Variants in SUCLG2 observed in about 807,000 individuals in gnomAD.
SUCLG2 encodes the protein succinate--CoA ligase [GDP-forming] subunit beta, mitochondrial.
A neutral mutation model predicts 47.9 loss-of-function variants in SUCLG2; 42 were observed. The observed-to-expected ratio is 0.88, with a 90% CI of 0.69 to 1.14. The LOEUF (loss-of-function observed/expected upper bound fraction) is 1.14. Ranked by LOEUF, SUCLG2 falls within the 50% of genes most tolerant of loss-of-function variation. SUCLG2 has a pLI of 0.00. For missense variants in SUCLG2, 571 were observed against 525.9 expected (o/e 1.09, Z -0.84); for synonymous variants, 195 against 197.3 (o/e 0.99, Z 0.10).
intron 2 of SUCLG2, among the ~76,000 whole-genome samples, chr3:67,559,144 T>C (rs1296165395): frequency 6.6e-6 from 1 of 152,196 alleles, no homozygotes; most frequent in East Asian, 1.9e-4. Flanking sequence ...TTTTATTTTA[T>C]GACAAATCCC....
chr3:67,369,438 T>C (rs1368361385), intron 10 of SUCLG2, among the ~76,000 whole-genome samples: 1 of 152,210 alleles, frequency 6.6e-6, no homozygotes. Context: ...TTTGTTCTGA[T>C]ATATTGTGTG....
chr3:67,570,783 A>G (rs893571405), intron 2 of SUCLG2, among the ~76,000 whole-genome samples: 9 of 152,168 alleles, frequency 5.9e-5, no homozygotes, highest in Non-Finnish European at 1.3e-4. Flanking sequence ...GGTGTACAGA[A>G]TCCTCCTAAA....
At chr3:67,453,949 T>TTG (rs1298992916) in intron 9 of SUCLG2, among the ~76,000 whole-genome samples, 1 of 152,146 alleles carries the variant, frequency 6.6e-6, no homozygotes, top group Admixed American at 6.5e-5. Context: ...GTCGTGCATT[T>TTG]TGTGTGTGTG....
intron 2 of SUCLG2, among the ~76,000 whole-genome samples, chr3:67,533,954 T>A (rs952109010): frequency 6.6e-6 from 1 of 151,106 alleles, no homozygotes; most frequent in Non-Finnish European, 1.5e-5. Context: ...CACATTAGAA[T>A]AAACCATTTC....
intron 9 of SUCLG2, among the ~76,000 whole-genome samples, chr3:67,465,991 T>C (rs1349212383): frequency 6.6e-6 from 1 of 152,116 alleles, no homozygotes; most frequent in Non-Finnish European, 1.5e-5. Flanking sequence ...TTCCCATTCA[T>C]TTCTCACCAA....
chr3:67,453,381 G>A lies in SUCLG2; in HGVS notation c.1062+42417C>T, dbSNP rs185490313. Among the ~76,000 whole-genome samples the A allele has an allele frequency of 1.1e-3, 160 of 152,250 alleles. 1 individual carries two copies. Among genetic ancestry groups the A allele is most frequent in the Non-Finnish European group, 1.4e-3 (98 of 68,024 alleles). ...CCAACAGATTTGATGTCTGGTGAGG[G>A]CCTGTTTCCTGGATTACAGGTGGTG... is the stretch of plus-strand genomic sequence containing the variant. On this transcript the variant is annotated intron_variant, in intron 9 of 10. Transcript: ENST00000307227.
At chr3:67,587,867 T>C (rs1447929291) in intron 2 of SUCLG2, among the ~76,000 whole-genome samples, 5 of 152,172 alleles carry the variant, frequency 3.3e-5, no homozygotes. Context: ...ACCAGACCTT[T>C]AAACAGGCCC....
At chr3:67,627,712 T>C (rs1700858686) in intron 1 of SUCLG2, among the ~76,000 whole-genome samples, 1 of 152,208 alleles carries the variant, frequency 6.6e-6, no homozygotes, top group Non-Finnish European at 1.5e-5. Context: ...TTTGTCACCA[T>C]AGCCCCTGGC....
intron 1 of SUCLG2, among the ~76,000 whole-genome samples, chr3:67,621,404 C>T (rs1700734698): frequency 6.6e-6 from 1 of 152,112 alleles, no homozygotes; most frequent in Non-Finnish European, 1.5e-5. Context: ...ATCTGATGTA[C>T]CTGCTAGTCA....
chr3:67,365,323 A>G (rs1395818837), intron 10 of SUCLG2, among the ~76,000 whole-genome samples: 1 of 152,228 alleles, frequency 6.6e-6, no homozygotes, highest in Non-Finnish European at 1.5e-5. Context: ...ACGATTTTCA[A>G]GAATAAGTCT....
Position 67,471,257 on chromosome 3 carries a change from G to C in SUCLG2, c.1062+24541C>G, listed in dbSNP as rs544109462. Among the ~76,000 whole-genome samples, 53 of 152,300 alleles carry C rather than the reference G, an allele frequency of 3.5e-4. 1 individual carries two copies. The South Asian group carries it at 6.2e-3, about 18-fold the overall frequency. On this transcript the variant is annotated intron_variant, in intron 9 of 10. Transcript: ENST00000307227. ...GTCTGAAGGCTTCAGCCGTGATTAT[G>C]AGGCTGCCACACAAGGGTGATGAGG...
At position 67,478,743 on chromosome 3, in the gene SUCLG2, G is replaced by C. The variant is rs1026550990; in HGVS notation, c.1062+17055C>G. 3.9e-5 allele frequency among the ~76,000 whole-genome samples: 6 copies of C among 152,194 alleles called. No individual in the cohort carries two copies. In the East Asian group the frequency reaches 1.2e-3, roughly 29 times the overall value. On this transcript the variant is annotated intron_variant, in intron 9 of 10. Coordinates refer to ENST00000307227, the MANE Select transcript of SUCLG2 (RefSeq NM_003848.4). ...TAAAATCTAGTGGGAGGTTGCAACTGCTATTCCATTCAAAGTACACGAGTT... is the reference window on the plus strand; with the variant it reads ...TAAAATCTAGTGGGAGGTTGCAACTCCTATTCCATTCAAAGTACACGAGTT...
At chr3:67,601,466 G>A (rs1383466330) in intron 2 of SUCLG2, among the ~76,000 whole-genome samples, 2 of 152,132 alleles carry the variant, frequency 1.3e-5, no homozygotes, top group African/African-American at 2.4e-5. Context: ...AGCGATCACA[G>A]CAGTGAGGTC....
At chr3:67,625,418 G>C (rs1297357194) in intron 1 of SUCLG2, among the ~76,000 whole-genome samples, 1 of 152,136 alleles carries the variant, frequency 6.6e-6, no homozygotes, top group African/African-American at 2.4e-5. Context: ...AGCAACACCA[G>C]GGAGGTGAGA....
intron 10 of SUCLG2, among the ~76,000 whole-genome samples, chr3:67,381,875 T>G (rs1365717103): frequency 1.3e-5 from 2 of 152,010 alleles, no homozygotes; most frequent in Admixed American, 6.6e-5. Context: ...CTGGGTGGAG[T>G]AAGAGAGCTG....
At chr3:67,497,101 G>C (rs908196052) in intron 8 of SUCLG2, among the ~76,000 whole-genome samples, 1 of 152,106 alleles carries the variant, frequency 6.6e-6, no homozygotes, top group Non-Finnish European at 1.5e-5. Context: ...GAGTGCATTA[G>C]CTTATCAGGA....
At position 67,400,821 on chromosome 3, in the gene SUCLG2, C is replaced by A. The variant is rs1702667047; in HGVS notation, c.1093G>T (p.Gly365Cys). Reference protein sequence around the residue: ...VEAILVNIFGGIVNCAIIANG... With the variant: ...VEAILVNIFGCIVNCAIIANG... ...GCAATGATGGCACAGTTGACGATAC[C>A]ACCAAATATATTGACAAGGATGGCT... Residue 365 changes from glycine to cysteine, a missense_variant, in exon 10 of 11, where the codon GGT becomes TGT. Gly to Cys is a radical substitution (Grantham distance 159, BLOSUM62 -3). Coordinates refer to ENST00000307227, the MANE Select transcript of SUCLG2 (RefSeq NM_003848.4). 1 of 1,612,382 alleles carries A rather than the reference C, an allele frequency of 6.2e-7. No homozygotes were observed. Among genetic ancestry groups the A allele is most frequent in the South Asian group, 1.1e-5 (1 of 90,848 alleles).
chr3:67,409,978 T>C (rs1702898628), intron 9 of SUCLG2, among the ~76,000 whole-genome samples: 1 of 152,204 alleles, frequency 6.6e-6, no homozygotes, highest in African/African-American at 2.4e-5. Flanking sequence ...ACCTAAGTAA[T>C]GCTCCTTGAA....
chr3:67,433,424 T>C (rs1703535768), intron 9 of SUCLG2, among the ~76,000 whole-genome samples: 1 of 152,166 alleles, frequency 6.6e-6, no homozygotes, highest in African/African-American at 2.4e-5. Context: ...CTTTCGGATG[T>C]GAGCCGTGAT....
Sources: gnomAD v4.1 joint callset for allele counts (sites outside exome capture counted in the v4.1 genomes callset) on GRCh38, gnomAD v4.1.1 for gene constraint, MANE v1.5 for transcripts, NCBI Gene and HGNC (gene_info 2026-07-23, HGNC 2026-07-21) for gene names.